TRIM55: variants seen among roughly 807,000 people sequenced by gnomAD.
TRIM55 encodes tripartite motif containing 55, also known as tripartite motif-containing protein 55.
A neutral mutation model predicts 60.9 loss-of-function variants in TRIM55; 50 were observed. The observed-to-expected ratio is 0.82, with a 90% confidence interval of 0.65 to 1.04. The LOEUF (loss-of-function observed/expected upper bound fraction) is 1.04, where lower values mean the gene tolerates loss of function less well. TRIM55 is among the 50% of genes least tolerant of loss of function. The probability of loss-of-function intolerance (pLI) is 0.00; values close to 1 mark genes in which losing one functional copy is unlikely to be tolerated. For missense variants in TRIM55, 681 were observed against 666.9 expected (o/e 1.02, Z -0.23); for synonymous variants, 237 against 238.1 (o/e 1.00, Z 0.04).
intron 4 of TRIM55, among the ~76,000 whole-genome samples, chr8:66,139,456 G>A (rs1345106774): frequency 4.6e-5 from 7 of 151,624 alleles, no homozygotes; most frequent in African/African-American, 1.7e-4. Context: ...TTGACAACAG[G>A]TTTTCTTCAT....
chr8:66,120,832 TGA>T, the TRIM55 span, among the ~76,000 whole-genome samples: 637 of 152,316 alleles, frequency 4.2e-3, 16 homozygotes, highest in East Asian at 0.082. Context: ...CTGAGTTCTG[TGA>T]GTCATTCTAC....
chr8:66,154,251 A>G lies in TRIM55; in HGVS notation c.1441A>G (p.Lys481Glu). ...AGGTTCTGAGGATTCGAATGTACGG[A>G]AGGCAGAAGTGGCAGCAGCCGCAGC... is the stretch of plus-strand genomic sequence containing the variant. ...PPGSEDSNVR[K>E]AEVAAAAASE... Residue 481 changes from lysine to glutamate, a missense_variant, in exon 9 of 10, where the codon AAG (lysine) becomes GAG (glutamate). Physicochemically the swap from Lys to Glu is moderately conservative, Grantham distance 56. Coordinates refer to ENST00000315962, the MANE Select transcript of TRIM55 (RefSeq NM_184085.2). 6.2e-7 allele frequency: 1 copy of G among 1,614,160 alleles called. No individual in the cohort carries two copies. The highest frequency in any genetic ancestry group is 8.5e-7 in the Non-Finnish European group (1 of 1,180,028).
chr8:66,124,092 T>C (rs1317651905), upstream of TRIM55, among the ~76,000 whole-genome samples: 2 of 152,138 alleles, frequency 1.3e-5, no homozygotes, highest in East Asian at 1.9e-4. Context: ...ATCTGAGTCA[T>C]CTGTGTGGAT....
chr8:66,144,801 A>G (rs1810016954), intron 4 of TRIM55, among the ~76,000 whole-genome samples: 1 of 152,234 alleles, frequency 6.6e-6, no homozygotes, highest in Non-Finnish European at 1.5e-5. Context: ...GTTTTTGTGG[A>G]GAAGAGACAA....
chr8:66,172,854 T>G (rs1236070264), intron 9 of TRIM55, among the ~76,000 whole-genome samples: 1 of 152,248 alleles, frequency 6.6e-6, no homozygotes, highest in African/African-American at 2.4e-5. Flanking sequence ...CGCTATTTGC[T>G]CAAATTGAAT....
chr8:66,135,055 G>T lies in TRIM55; in HGVS notation c.407G>T (p.Cys136Phe). The T allele has an allele frequency of 6.2e-7, 1 of 1,614,192 alleles. No individual in the cohort carries two copies. The highest frequency in any genetic ancestry group is 1.3e-5 in the African/African-American group (1 of 75,044). The change falls in exon 3 of 10, where the codon TGT becomes TTT. Residue 136 changes from cysteine (C) to phenylalanine (F), a missense_variant. By Grantham distance (205) the Cys-to-Phe change is radical. Coordinates refer to ENST00000315962, the MANE Select transcript of TRIM55 (RefSeq NM_184085.2). ...EHEEERINIY[C>F]LNCEVPTCSL... is the part of the protein sequence containing the mutation. ...GAAGAGGAGCGCATCAACATCTACT[G>T]TCTGAACTGCGAAGTACCCACCTGC... is the stretch of plus-strand genomic sequence containing the variant.
At chr8:66,122,680 C>A (rs28871963), upstream of TRIM55, among the ~76,000 whole-genome samples, 4,038 of 152,190 alleles carry the variant, frequency 0.027, 183 homozygotes, top group African/African-American at 0.091. Context: ...CCAAAGTAAA[C>A]CTAAAAAACT....
chr8:66,140,987 G>A (rs190846626), intron 4 of TRIM55, among the ~76,000 whole-genome samples: 5 of 152,156 alleles, frequency 3.3e-5, no homozygotes, highest in East Asian at 1.9e-4. Flanking sequence ...GCCTCTCCCC[G>A]CCTGGGGCAC....
chr8:66,114,080 A>ACC, the TRIM55 span, among the ~76,000 whole-genome samples: 1,211 of 39,276 alleles, frequency 0.031, 18 homozygotes, highest in African/African-American at 0.046. Flanking sequence ...CGAAGGAGAG[A>ACC]CACCCCCCCC....
intron 2 of TRIM55, among the ~76,000 whole-genome samples, chr8:66,129,655 A>G (rs951611611): frequency 7.2e-5 from 11 of 152,222 alleles, no homozygotes; most frequent in African/African-American, 2.4e-4. Context: ...TGTTGCTGTT[A>G]CTTTACAGAT....
At chr8:66,149,609 C>A in intron 4 of TRIM55, 36 bp from the exon 5 acceptor site, 1 of 1,523,482 alleles carries the variant, frequency 6.6e-7, no homozygotes, top group South Asian at 1.1e-5. Flanking sequence ...GACTTTGTTT[C>A]AAATACTTTC....
chr8:66,169,593 A>G (rs578011159), intron 9 of TRIM55, among the ~76,000 whole-genome samples: 2 of 152,370 alleles, frequency 1.3e-5, no homozygotes, highest in Admixed American at 1.3e-4. Context: ...AAAGCAGGCC[A>G]GGTAACAGAA....
the TRIM55 span, among the ~76,000 whole-genome samples, chr8:66,117,935 G>C: frequency 6.6e-6 from 1 of 151,892 alleles, no homozygotes; most frequent in East Asian, 1.9e-4. Context: ...GGGAGGCCGA[G>C]GCGGGTGGAT....
Position 66,149,860 on chromosome 8 carries a change from A to T in TRIM55, c.819A>T (p.Glu273Asp). 1 of 1,614,024 alleles carries T rather than the reference A, an allele frequency of 6.2e-7. No individual in the cohort carries two copies. The highest frequency in any genetic ancestry group is 8.5e-7 in the Non-Finnish European group (1 of 1,179,866). Residue 273 changes from glutamate (E) to aspartate (D), a missense_variant, in exon 5 of 10, where the codon GAA (glutamate) becomes GAT (aspartate). Coordinates refer to ENST00000315962, the MANE Select transcript of TRIM55 (RefSeq NM_184085.2). ...ESGIQFMDEP[E>D]MAVFLQNAKT... is the part of the protein sequence containing the mutation. Reference sequence around the variant, plus strand: ...GAATTCAGTTTATGGATGAGCCAGAAATGGCAGTGTTTCTGCAGGTAAGTC... The same window carrying T: ...GAATTCAGTTTATGGATGAGCCAGATATGGCAGTGTTTCTGCAGGTAAGTC...
intron 9 of TRIM55, 98 bp downstream of exon 9, chr8:66,154,432 G>T: frequency 7.7e-7 from 1 of 1,293,348 alleles, no homozygotes; most frequent in Non-Finnish European, 1.1e-6. Context: ...CAAAGGGGCA[G>T]AGAGAAACCT....
chr8:66,169,974 T>C (rs1297721500), intron 9 of TRIM55, among the ~76,000 whole-genome samples: 2 of 152,020 alleles, frequency 1.3e-5, no homozygotes, highest in South Asian at 2.1e-4. Flanking sequence ...TCTAAGTGTC[T>C]ATAGTGTCTG....
intron 4 of TRIM55, among the ~76,000 whole-genome samples, chr8:66,144,895 A>C (rs1810021625): frequency 6.6e-6 from 1 of 152,208 alleles, no homozygotes; most frequent in South Asian, 2.1e-4. Flanking sequence ...GCAAAAGTCC[A>C]CATTTTTTCC....
the TRIM55 span, among the ~76,000 whole-genome samples, chr8:66,113,942 A>C: frequency 6.6e-6 from 1 of 152,004 alleles, no homozygotes; most frequent in Non-Finnish European, 1.5e-5. Context: ...TAAAAATGAC[A>C]CAATGTTATG....
rs531109278 is a variant in TRIM55, at chr8:66,174,605, A to T, written c.*12A>T. 3.8e-6 allele frequency: 6 copies of T among 1,584,396 alleles called. No individual in the cohort carries two copies. In the African/African-American group the frequency reaches 8.2e-5, roughly 22 times the overall value. On this transcript the variant is annotated 3_prime_UTR_variant, in exon 10 of 10. Coordinates refer to ENST00000315962, the MANE Select transcript of TRIM55 (RefSeq NM_184085.2). ...CCCTAAATGAATGATATTCATTCCA[A>T]CTGCTGCCCCTCTGTCTGCCTGGCT...
Sources: allele counts gnomAD v4.1 joint callset (sites outside exome capture counted in the v4.1 genomes callset), GRCh38; gene constraint gnomAD v4.1.1; transcripts MANE v1.5; gene names NCBI Gene and HGNC (gene_info 2026-07-23, HGNC 2026-07-21).